KANSL1L: variants seen among roughly 807,000 people sequenced by gnomAD.
The protein encoded by KANSL1L is KAT8 regulatory NSL complex subunit 1-like protein.
A neutral mutation model predicts 108.6 loss-of-function variants in KANSL1L; 25 were observed. The observed-to-expected ratio is 0.23, with a 90% CI of 0.17 to 0.32. The LOEUF (loss-of-function observed/expected upper bound fraction) is 0.32, where lower values mean the gene tolerates loss of function less well. Ranked by LOEUF, KANSL1L falls within the 10% of genes least tolerant of loss-of-function variation. The pLI is 1.00. For missense variants in KANSL1L, 1,137 were observed against 1,125.7 expected (o/e 1.01, Z -0.14); for synonymous variants, 405 against 395.1 (o/e 1.03, Z -0.30).
chr2:210,027,061 G>A (rs1021614792), intron 12 of KANSL1L, among the ~76,000 whole-genome samples: 8 of 152,132 alleles, frequency 5.3e-5, no homozygotes, highest in East Asian at 1.9e-4. Flanking sequence ...ATTAGCCACC[G>A]CGCCCGGCCT....
chr2:210,031,415 ACCTACCTAATGCTGTTTCACTC>A lies in KANSL1L; in HGVS notation c.2139_2155+5del. 6.3e-7 allele frequency: 1 copy of A among 1,584,408 alleles called. No individual in the cohort carries two copies. The highest frequency in any genetic ancestry group is 8.6e-7 in the Non-Finnish European group (1 of 1,159,084). The stretch of plus-strand genomic sequence containing the variant: ...CACTACTGCTTATATCCTCACTTTA[ACCTACCTAATGCTGTTTCACTC>A]AAATGTCTTTTCTTTCTTCCCTGTA... On this transcript the variant is annotated splice_donor_variant and splice_donor_5th_base_variant and coding_sequence_variant and intron_variant, in exon 9 of 15. Transcript: ENST00000281772. LOFTEE classifies it high-confidence loss of function.
At position 210,154,092 on chromosome 2, in the gene KANSL1L, T is replaced by A; in HGVS notation, c.491A>T (p.Asp164Val). The A allele has an allele frequency of 1.9e-6, 3 of 1,613,562 alleles. No homozygotes were observed. In the South Asian group the frequency reaches 3.3e-5, roughly 18 times the overall value. The change falls in exon 2 of 15, where the codon GAT becomes GTT. Residue 164 changes from aspartate to valine, a missense_variant. By Grantham distance (152) the Asp-to-Val change is radical. Around this residue, in one of 3 missense-constraint regions of KANSL1L, gnomAD observed 556 missense variants for 537.7 expected, o/e 1.03. Transcript: ENST00000281772. Reference sequence around the variant, plus strand: ...TTTACAGTTTTGTAGTTGTACTTTATCTACATTAGTGTCTTTGGTTATATT... The same window carrying A: ...TTTACAGTTTTGTAGTTGTACTTTAACTACATTAGTGTCTTTGGTTATATT... ...DSNITKDTNV[D>V]KVQLQNCKWY...
chr2:210,094,146 CACA>C (rs745339803), intron 5 of KANSL1L, among the ~76,000 whole-genome samples: 3 of 151,980 alleles, frequency 2.0e-5, no homozygotes, highest in African/African-American at 4.8e-5. Context: ...ATGATGATTA[CACA>C]ACATTTTGAT....
At chr2:210,147,616 C>G (rs773051724) in intron 2 of KANSL1L, among the ~76,000 whole-genome samples, 8 of 152,164 alleles carry the variant, frequency 5.3e-5, no homozygotes, top group South Asian at 2.1e-4. Flanking sequence ...AGAATTCACT[C>G]AACTTTTTGT....
At chr2:210,075,864 G>T in intron 5 of KANSL1L, 108 bp from the exon 6 acceptor site, 1 of 752,464 alleles carries the variant, frequency 1.3e-6, no homozygotes, top group Non-Finnish European at 2.1e-6. Flanking sequence ...TATTATGACA[G>T]AAAAGTATTA....
intron 6 of KANSL1L, among the ~76,000 whole-genome samples, chr2:210,074,822 T>C (rs755495913): frequency 1.4e-4 from 21 of 152,182 alleles, no homozygotes; most frequent in Non-Finnish European, 2.1e-4. Context: ...TATTAAATAG[T>C]AGTATCAATA....
chr2:210,136,522 A>G (rs2125572446), intron 2 of KANSL1L, among the ~76,000 whole-genome samples: 1 of 152,318 alleles, frequency 6.6e-6, no homozygotes, highest in African/African-American at 2.4e-5. Flanking sequence ...TTGCTAAAGA[A>G]ACAATTTCAC....
chr2:210,140,110 A>G (rs768336038), intron 2 of KANSL1L, among the ~76,000 whole-genome samples: 5 of 152,094 alleles, frequency 3.3e-5, no homozygotes, highest in Non-Finnish European at 7.4e-5. Context: ...TATAGTTTGC[A>G]AATATTTTCT....
intron 4 of KANSL1L, among the ~76,000 whole-genome samples, chr2:210,100,072 C>T (rs1231616212): frequency 3.3e-5 from 5 of 152,182 alleles, no homozygotes; most frequent in African/African-American, 1.2e-4. Flanking sequence ...AGAAACCAGG[C>T]TGCACAGCAG....
intron 1 of KANSL1L, among the ~76,000 whole-genome samples, chr2:210,163,695 G>A (rs1474444900): frequency 6.6e-6 from 1 of 151,920 alleles, no homozygotes; most frequent in African/African-American, 2.4e-5. Context: ...AATAAATGAA[G>A]AAATATATAA....
At chr2:210,066,408 T>C (rs2094467168) in intron 6 of KANSL1L, among the ~76,000 whole-genome samples, 4 of 152,200 alleles carry the variant, frequency 2.6e-5, no homozygotes, top group Admixed American at 2.6e-4. Flanking sequence ...CATGCAACAA[T>C]AGATGGCCAA....
chr2:210,158,714 A>C (rs1168185961), intron 1 of KANSL1L, among the ~76,000 whole-genome samples: 1 of 152,068 alleles, frequency 6.6e-6, no homozygotes, highest in African/African-American at 2.4e-5. Flanking sequence ...AAAAAAAAAA[A>C]AACCTAGCCT....
Position 210,098,135 on chromosome 2 carries a change from A to T in KANSL1L, c.1501T>A (p.Ser501Thr). The T allele has an allele frequency of 6.2e-7, 1 of 1,612,168 alleles. No homozygotes were observed. Among genetic ancestry groups the T allele is most frequent in the African/African-American group, 1.3e-5 (1 of 74,946 alleles). Residue 501 changes from serine to threonine, a missense_variant, in exon 5 of 15, where the codon TCT becomes ACT. Physicochemically the swap from Ser to Thr is moderately conservative, Grantham distance 58 (BLOSUM62 1). Around this residue, in one of 3 missense-constraint regions of KANSL1L, gnomAD observed 575 missense variants for 567.1 expected, o/e 1.01. Transcript: ENST00000281772. ...LNLSPTSSPLSSKSCSHKCLA... is the reference protein window; with the variant it reads ...LNLSPTSSPLTSKSCSHKCLA... ...CATTTATGGCTACAGGATTTGGAAG[A>T]GAGGGGTGATGAAGTTGGGGACAAG...
chr2:210,064,378 G>A (rs2094447604), intron 6 of KANSL1L: 1 of 152,100 alleles, frequency 6.6e-6, no homozygotes, highest in Non-Finnish European at 1.5e-5. Flanking sequence ...TGTAAAATGA[G>A]CAAAGTCAAG....
At chr2:210,104,719 T>G (rs1448243038) in intron 3 of KANSL1L, among the ~76,000 whole-genome samples, 4 of 152,270 alleles carry the variant, frequency 2.6e-5, no homozygotes, top group African/African-American at 9.6e-5. Context: ...ACTCCCAATT[T>G]TATAAATTAA....
At chr2:210,070,933 G>T (rs2094503343) in intron 6 of KANSL1L, among the ~76,000 whole-genome samples, 2 of 152,138 alleles carry the variant, frequency 1.3e-5, no homozygotes, top group African/African-American at 4.8e-5. Context: ...GCTGAGGCGG[G>T]TGGATCACGA....
rs756060626 is a variant in KANSL1L at position 210,075,694 on chromosome 2, C to T, written c.1613G>A (p.Ser538Asn). ...SSSWLLNQKH[S>N]KKKRKDRTRL... is the part of the protein sequence containing the mutation. The stretch of plus-strand genomic sequence containing the variant: ...TGTCCTGTCTTTTCTCTTTTTCTTA[C>T]TGTGCTTCTGGTTAAGTAACCAGCT... The change falls in exon 6 of 15, where the codon AGT (serine) becomes AAT (asparagine). Residue 538 changes from serine (S) to asparagine (N), a missense_variant. By Grantham distance (46) the Ser-to-Asn change is conservative. This residue lies in a region of KANSL1L where 575 missense variants were observed against 567.1 expected (regional missense o/e 1.01). Coordinates refer to ENST00000281772, the MANE Select transcript of KANSL1L (RefSeq NM_152519.4). 1.2e-5 allele frequency: 19 copies of T among 1,613,862 alleles called. No individual in the cohort carries two copies. In the Admixed American group the frequency reaches 1.8e-4, roughly 16 times the overall value.
intron 3 of KANSL1L, among the ~76,000 whole-genome samples, chr2:210,111,439 A>G (rs1378716865): frequency 6.6e-6 from 1 of 152,220 alleles, no homozygotes; most frequent in African/African-American, 2.4e-5. Flanking sequence ...AGGCAAAACT[A>G]TAGCAATAGA....
At chr2:210,147,749 CTT>C (rs1338184721) in intron 2 of KANSL1L, among the ~76,000 whole-genome samples, 1 of 152,144 alleles carries the variant, frequency 6.6e-6, no homozygotes, top group African/African-American at 2.4e-5. Flanking sequence ...TTAAGTTACT[CTT>C]GTTTGCAATT....
Sources: gnomAD v4.1 joint callset for allele counts (sites outside exome capture counted in the v4.1 genomes callset) on GRCh38, gnomAD v4.1.1 for gene constraint, gnomAD v4.1.1 regional missense constraint, MANE v1.5 for transcripts, NCBI Gene and HGNC (gene_info 2026-07-23, HGNC 2026-07-21) for gene names.